EMCN: variants seen among roughly 807,000 people sequenced by gnomAD.
EMCN encodes the protein endomucin, also known as MUC-14.
Under a neutral mutation model 38.4 loss-of-function variants are expected in EMCN, and 37 were observed. The observed-to-expected ratio is 0.96, with a 90% CI of 0.74 to 1.27. EMCN has a LOEUF of 1.27. Ranked by LOEUF, EMCN falls within the 50% of genes most tolerant of loss-of-function variation. The probability of loss-of-function intolerance (pLI) is 0.00; values close to 1 mark genes in which losing one functional copy is unlikely to be tolerated. For missense variants in EMCN, 318 were observed against 302.8 expected, an observed-to-expected ratio of 1.05 and a Z score of -0.37; for synonymous variants, 95 against 100.8, an observed-to-expected ratio of 0.94 and a Z score of 0.35.
chr4:100,511,796 T>C (rs1007047015), intron 1 of EMCN, among the ~76,000 whole-genome samples: 1 of 150,358 alleles, frequency 6.7e-6, no homozygotes, highest in Non-Finnish European at 1.5e-5. Flanking sequence ...TTTTCCTAAA[T>C]AGCAGAGCCT....
At chr4:100,488,710 CATG>C (rs1234702437) in intron 1 of EMCN, among the ~76,000 whole-genome samples, 1 of 152,104 alleles carries the variant, frequency 6.6e-6, no homozygotes, top group Non-Finnish European at 1.5e-5. Flanking sequence ...GAAGCTAGAA[CATG>C]ATATTTGACT....
intron 3 of EMCN, among the ~76,000 whole-genome samples, chr4:100,467,867 C>T (rs1728367333): frequency 6.6e-6 from 1 of 152,134 alleles, no homozygotes; most frequent in Non-Finnish European, 1.5e-5. Context: ...ATACTTTCTA[C>T]TTTCCCCTAC....
chr4:100,404,623 A>G (rs1726344887), intron 11 of EMCN, among the ~76,000 whole-genome samples: 1 of 152,066 alleles, frequency 6.6e-6, no homozygotes, highest in Admixed American at 6.6e-5. Context: ...GCCTTGTAGT[A>G]TCATTTGAAG....
chr4:100,478,167 G>A (rs1325027104), intron 2 of EMCN, among the ~76,000 whole-genome samples: 2 of 151,968 alleles, frequency 1.3e-5, no homozygotes, highest in African/African-American at 2.4e-5. Context: ...GGCTTTCTCA[G>A]CCCTACCACT....
At chr4:100,498,512 G>A (rs1284546776) in intron 1 of EMCN, among the ~76,000 whole-genome samples, 2 of 150,500 alleles carry the variant, frequency 1.3e-5, no homozygotes, top group African/African-American at 4.9e-5. Flanking sequence ...TTTAGACGGA[G>A]TCTCGCTCTG....
intron 5 of EMCN, among the ~76,000 whole-genome samples, chr4:100,438,839 C>G (rs1207631136): frequency 6.6e-6 from 1 of 151,562 alleles, no homozygotes; most frequent in East Asian, 1.9e-4. Context: ...GTGTCAAGAT[C>G]ATTGTGTGGT....
chr4:100,413,811 T>G (rs1726633400), intron 10 of EMCN, among the ~76,000 whole-genome samples: 1 of 152,190 alleles, frequency 6.6e-6, no homozygotes, highest in African/African-American at 2.4e-5. Context: ...ATCTTACTAT[T>G]TCCATGGTAA....
intron 1 of EMCN, among the ~76,000 whole-genome samples, chr4:100,506,011 C>T (rs762970922): frequency 6.6e-6 from 1 of 151,928 alleles, no homozygotes; most frequent in African/African-American, 2.4e-5. Flanking sequence ...TTTATATTCA[C>T]CAAATCAATA....
intron 2 of EMCN, among the ~76,000 whole-genome samples, chr4:100,475,852 G>C (rs561784583): frequency 5.9e-5 from 9 of 151,600 alleles, no homozygotes; most frequent in Non-Finnish European, 1.2e-4. Flanking sequence ...TAATTTTTTT[G>C]TATTTTTTGT....
intron 3 of EMCN, among the ~76,000 whole-genome samples, chr4:100,473,373 G>T (rs113914097): frequency 0.16 from 10,324 of 64,872 alleles, 2,466 homozygotes; most frequent in East Asian, 0.46. Flanking sequence ...GTGTTTTTTT[G>T]TTTTTTTTTT....
intron 5 of EMCN, chr4:100,446,296 A>T (rs1326301104): frequency 1.5e-6 from 1 of 681,856 alleles, no homozygotes; most frequent in East Asian, 1.3e-4. Context: ...GAATTAAAAA[A>T]ATGGTGATTA....
chr4:100,517,768 A>C, intron 1 of EMCN, 83 bp downstream of exon 1: 1 of 1,233,478 alleles, frequency 8.1e-7, no homozygotes, highest in South Asian at 1.2e-5. Context: ...TGTCAGGGGA[A>C]GATCCCTGAA....
intron 5 of EMCN, among the ~76,000 whole-genome samples, chr4:100,436,011 A>G (rs1213136169): frequency 2.0e-5 from 3 of 152,214 alleles, no homozygotes; most frequent in Non-Finnish European, 4.4e-5. Flanking sequence ...TTGCAACAAA[A>G]GCAAAAATTG....
chr4:100,453,924 A>T (rs111853525), intron 4 of EMCN, among the ~76,000 whole-genome samples: 6 of 151,992 alleles, frequency 3.9e-5, no homozygotes, highest in African/African-American at 1.2e-4. Context: ...TCGCAAGGTC[A>T]AAAACACCAA....
At chr4:100,432,691 A>C (rs962073999) in intron 5 of EMCN, among the ~76,000 whole-genome samples, 5 of 152,200 alleles carry the variant, frequency 3.3e-5, no homozygotes, top group African/African-American at 1.2e-4. Flanking sequence ...GTTAAGCATC[A>C]TTAAACACAG....
intron 5 of EMCN, among the ~76,000 whole-genome samples, chr4:100,427,897 A>G (rs1727094993): frequency 6.6e-6 from 1 of 152,104 alleles, no homozygotes; most frequent in African/African-American, 2.4e-5. Flanking sequence ...CTCAGGCCAA[A>G]GACCTATTTT....
At chr4:100,439,479 T>C (rs1357969942) in intron 5 of EMCN, among the ~76,000 whole-genome samples, 1 of 151,786 alleles carries the variant, frequency 6.6e-6, no homozygotes, top group Non-Finnish European at 1.5e-5. Flanking sequence ...TCTGAGGTGT[T>C]TCATTTTTTT....
chr4:100,435,516 G>GA (rs1017546144), intron 5 of EMCN, among the ~76,000 whole-genome samples: 7 of 151,854 alleles, frequency 4.6e-5, no homozygotes, highest in African/African-American at 1.5e-4. Context: ...ATAGAATTAG[G>GA]AAAAAAACTA....
rs1726715511 is a variant in EMCN at position 100,415,938 on chromosome 4, GCT to G, written c.709_710del (p.Ser237ArgfsTer7). The G allele has an allele frequency of 6.3e-7, 1 of 1,589,296 alleles. No individual in the cohort carries two copies. The highest frequency in any genetic ancestry group is 1.4e-5 in the African/African-American group (1 of 73,072). On this transcript the variant is annotated frameshift_variant, in exon 10 of 12. Coordinates refer to ENST00000296420, the MANE Select transcript of EMCN (RefSeq NM_016242.4). LOFTEE classifies it high-confidence loss of function. Reference protein sequence around the residue: ...GNDQPQSDKESVKLLTVKTIS... With the variant: ...GNDQPQSDKEXVKLLTVKTIS... Reference sequence around the variant, plus strand: ...TTGTCTTAACGGTAAGAAGCTTCACGCTCTCTTTATCAGACTGAGGTCTATTT... The same window carrying G: ...TTGTCTTAACGGTAAGAAGCTTCACGCTCTTTATCAGACTGAGGTCTATTT...
Sources: gnomAD v4.1 joint callset for allele counts (sites outside exome capture counted in the v4.1 genomes callset) on GRCh38, gnomAD v4.1.1 for gene constraint, MANE v1.5 for transcripts, NCBI Gene and HGNC (gene_info 2026-07-23, HGNC 2026-07-21) for gene names.